IFT122: variants seen among roughly 807,000 people sequenced by gnomAD.
IFT122 encodes the protein intraflagellar transport 122.
A neutral mutation model predicts 161.6 loss-of-function variants in IFT122; 118 were observed. That is an observed-to-expected ratio of 0.73 (90% CI 0.63 to 0.85). The LOEUF (loss-of-function observed/expected upper bound fraction) is 0.85. IFT122 is among the 40% of genes least tolerant of loss of function. The probability of loss-of-function intolerance (pLI) is 0.00; values close to 1 mark genes in which losing one functional copy is unlikely to be tolerated. For synonymous variants in IFT122, 550 were observed against 602.4 expected, an observed-to-expected ratio of 0.91 and a Z score of 1.27; for missense variants, 1,381 against 1,579.6, an observed-to-expected ratio of 0.87 and a Z score of 2.13.
intron 3 of IFT122, chr3:129,457,782 C>T (rs1432332094): frequency 7.3e-6 from 1 of 136,818 alleles, no homozygotes; most frequent in Non-Finnish European, 1.5e-5. Context: ...GTTGCCCAGG[C>T]TGGAGTGCAG....
intron 1 of IFT122, among the ~76,000 whole-genome samples, chr3:129,449,459 G>T (rs781585961): frequency 5.3e-5 from 8 of 152,234 alleles, no homozygotes; most frequent in Non-Finnish European, 1.2e-4. Flanking sequence ...CTGAGGGGAG[G>T]GAGGGATTAT....
chr3:129,455,898 TGAG>T (rs57434974), intron 3 of IFT122, among the ~76,000 whole-genome samples: 13,877 of 150,494 alleles, frequency 0.092, 922 homozygotes, highest in African/African-American at 0.19. Flanking sequence ...TTGAATAGGC[TGAG>T]GAGGAGGAGG....
chr3:129,440,426 C>G (rs534874339), intron 1 of IFT122, 55 bp downstream of exon 1: 8 of 1,530,002 alleles, frequency 5.2e-6, no homozygotes, highest in Non-Finnish European at 3.5e-6. Context: ...GCGGGGAGTG[C>G]GCGAGCCGCT....
chr3:129,468,554 G>T (rs150400932), intron 8 of IFT122, among the ~76,000 whole-genome samples: 1 of 152,288 alleles, frequency 6.6e-6, no homozygotes, highest in East Asian at 1.9e-4. Flanking sequence ...ATGTTGGCCA[G>T]GCTGGTCTAG....
In IFT122 at chr3:129,519,082, T is replaced by G. The variant is rs760057782; in HGVS notation, c.3392-25T>G. 2.6e-5 allele frequency: 41 copies of G among 1,605,518 alleles called. No individual in the cohort carries two copies. The East Asian group carries it at 3.1e-4, about 12-fold the overall frequency. Reference sequence around the variant, plus strand: ...GTCTGTCTCCATCTCTGCTTCTGATTCCATCCTTGACCAGATCCCTCCAGG... The same window carrying G: ...GTCTGTCTCCATCTCTGCTTCTGATGCCATCCTTGACCAGATCCCTCCAGG... On this transcript the variant is annotated intron_variant, in intron 27 of 29. Coordinates refer to ENST00000348417, the MANE Select transcript of IFT122 (RefSeq NM_052989.3).
intron 23 of IFT122, among the ~76,000 whole-genome samples, chr3:129,510,048 C>CCTCCAGCT (rs1456973029): frequency 1.3e-5 from 2 of 152,188 alleles, no homozygotes; most frequent in African/African-American, 4.8e-5. Flanking sequence ...TGACCTGCTC[C>CCTCCAGCT]CTCCAGCTGG....
intron 4 of IFT122, chr3:129,460,785 T>C: frequency 7.9e-7 from 1 of 1,260,940 alleles, no homozygotes; most frequent in Non-Finnish European, 1.2e-6. Flanking sequence ...TAAAACGGGT[T>C]GAGACGCCTT....
intron 26 of IFT122, 83 bp downstream of exon 26, chr3:129,515,682 T>C (rs1003428083): frequency 7.0e-6 from 9 of 1,281,328 alleles, no homozygotes; most frequent in East Asian, 7.0e-5. Context: ...CCTCAGGACG[T>C]TGGGCAAGGG....
chr3:129,482,208 C>T (rs2078743612), intron 14 of IFT122, among the ~76,000 whole-genome samples: 1 of 152,216 alleles, frequency 6.6e-6, no homozygotes, highest in African/African-American at 2.4e-5. Context: ...GAAGAGCCAG[C>T]AGAATGCGAA....
At chr3:129,520,146 C>T (rs761136514) in intron 29 of IFT122, 30 bp from the exon 30 acceptor site, 13 of 1,586,298 alleles carry the variant, frequency 8.2e-6, no homozygotes, top group Non-Finnish European at 1.1e-5. Context: ...ACTAGGGCTT[C>T]AGCCTGGTCT....
At position 129,476,507 on chromosome 3, in the gene IFT122, G is replaced by A. The variant is rs367855699; in HGVS notation, c.1008+1G>A. 6 of 1,614,006 alleles carry A rather than the reference G, an allele frequency of 3.7e-6. No homozygotes were observed. The highest frequency in any genetic ancestry group is 5.1e-6 in the Non-Finnish European group (6 of 1,180,040). On this transcript the variant is annotated splice_donor_variant, in intron 10 of 29. Coordinates refer to ENST00000348417, the MANE Select transcript of IFT122 (RefSeq NM_052989.3). LOFTEE classifies it high-confidence loss of function. ...AGCGAAACCGGATTCCAACTATGTG[G>A]TAAGAAGAGAAAGTTTGTTCTGTGG... is the stretch of plus-strand genomic sequence containing the variant.
At chr3:129,503,280 G>A (rs770247484) in intron 20 of IFT122, among the ~76,000 whole-genome samples, 4 of 152,166 alleles carry the variant, frequency 2.6e-5, no homozygotes, top group Non-Finnish European at 5.9e-5. Context: ...GTAGCATTTT[G>A]GCAGAAAGCA....
At chr3:129,468,913 T>C (rs1329663143) in intron 8 of IFT122, among the ~76,000 whole-genome samples, 1 of 152,220 alleles carries the variant, frequency 6.6e-6, no homozygotes, top group Non-Finnish European at 1.5e-5. Flanking sequence ...AGCAAGCAAG[T>C]TTCCCTTCTA....
At chr3:129,502,676 G>A (rs774821607) in intron 19 of IFT122, 35 bp from the exon 20 acceptor site, 73 of 1,601,606 alleles carry the variant, frequency 4.6e-5, no homozygotes, top group Non-Finnish European at 5.3e-5. Context: ...ACAAGACCCA[G>A]AGCCCACCCT....
At chr3:129,445,460 G>T (rs1300578315) in intron 1 of IFT122, among the ~76,000 whole-genome samples, 1 of 152,310 alleles carries the variant, frequency 6.6e-6, no homozygotes, top group East Asian at 1.9e-4. Flanking sequence ...CTGTGAAACA[G>T]GTATACAGTT....
intron 2 of IFT122, 56 bp downstream of exon 2, chr3:129,449,993 G>T: frequency 2.8e-5 from 29 of 1,027,684 alleles, no homozygotes; most frequent in Non-Finnish European, 3.6e-5. Flanking sequence ...CCTCTTGTGA[G>T]TACTCTGAAA....
At chr3:129,464,803 T>C in intron 7 of IFT122, 22 bp downstream of exon 7, 1 of 1,613,874 alleles carries the variant, frequency 6.2e-7, no homozygotes, top group Non-Finnish European at 8.5e-7. Flanking sequence ...GTTGTCCTCC[T>C]TCTAGAACAA....
At chr3:129,441,433 G>A (rs2073087077) in intron 1 of IFT122, among the ~76,000 whole-genome samples, 1 of 151,996 alleles carries the variant, frequency 6.6e-6, no homozygotes, top group Non-Finnish European at 1.5e-5. Flanking sequence ...CCTTTATCTC[G>A]TTGTGTCTTC....
In IFT122 at chr3:129,519,664, C is replaced by T. The variant is rs2108734255; in HGVS notation, c.3568C>T (p.Leu1190=). 1 of 1,613,810 alleles carries T rather than the reference C, an allele frequency of 6.2e-7. No individual in the cohort carries two copies. The highest frequency in any genetic ancestry group is 8.5e-7 in the Non-Finnish European group (1 of 1,180,026). Residue 1190 remains leucine, a synonymous_variant, in exon 29 of 30, where the codon CTG becomes TTG. Transcript: ENST00000348417. ...DVLIKRWPPP[L]RWQYFRSLLP... is the part of the protein sequence containing the mutation. ...CCTCATCAAGCGATGGCCCCCACCC[C>T]TGAGGTGGCAATACTTCCGCTCACT...
Sources: allele counts gnomAD v4.1 joint callset (sites outside exome capture counted in the v4.1 genomes callset), GRCh38; gene constraint gnomAD v4.1.1; transcripts MANE v1.5; gene names NCBI Gene and HGNC (gene_info 2026-07-23, HGNC 2026-07-21).